EIF3B: variants seen among roughly 807,000 people sequenced by gnomAD.
EIF3B encodes the protein eukaryotic translation initiation factor 3 subunit 9.
In EIF3B, 10 loss-of-function variants were observed where a neutral mutation model predicts 104.6. The observed-to-expected ratio is 0.10, with a 90% CI of 0.06 to 0.16. The LOEUF is 0.16. Among genes scored for constraint, EIF3B ranks in the 10% least tolerant of loss-of-function variants. The probability of loss-of-function intolerance (pLI) is 1.00; values close to 1 mark genes in which losing one functional copy is unlikely to be tolerated. For missense variants in EIF3B, 1,014 were observed against 1,087.9 expected (o/e 0.93, Z 0.96); for synonymous variants, 542 against 417.2 (o/e 1.30, Z -3.65).
Position 2,377,487 on chromosome 7 carries a change from AGC to A in EIF3B, c.2154+415_2154+416del, listed in dbSNP as rs1252213824. 4.3e-5 allele frequency among the ~76,000 whole-genome samples: 6 copies of A among 140,736 alleles called. No homozygotes were observed. In the South Asian group the frequency reaches 8.7e-4, roughly 20 times the overall value. The allele number at this position is 140,736 out of a possible 152,430, so 92.3% of individuals were successfully genotyped here. On this transcript the variant is annotated intron_variant, in intron 15 of 18. Transcript: ENST00000360876. ...AAAGATGGAGGAAGGAGCAGGCACGAGCGCTCCTGGGATGCTGTGTTGTGTGA... is the reference window on the plus strand; with the variant it reads ...AAAGATGGAGGAAGGAGCAGGCACGAGCTCCTGGGATGCTGTGTTGTGTGA...
In EIF3B at chr7:2,375,489, C is replaced by T. The variant is rs1367743504; in HGVS notation, c.1990C>T (p.Arg664Cys). 3.1e-6 allele frequency: 5 copies of T among 1,614,042 alleles called. No individual in the cohort carries two copies. The highest frequency in any genetic ancestry group is 2.5e-6 in the Non-Finnish European group (3 of 1,180,038). The change falls in exon 14 of 19, where the codon CGC (arginine) becomes TGC (cysteine). Residue 664 changes from arginine to cysteine, a missense_variant. Physicochemically the swap from Arg to Cys is radical, Grantham distance 180. Coordinates refer to ENST00000360876, the MANE Select transcript of EIF3B (RefSeq NM_001037283.2). ...ASDVEWDPTG[R>C]YVVTSVSWWS... The stretch of plus-strand genomic sequence containing the variant: ...CGACGTCGAATGGGATCCTACTGGG[C>T]GCTACGTCGTCACCTCTGTGTCCTG...
In EIF3B at chr7:2,374,429, C is replaced by G. The variant is rs568877797; in HGVS notation, c.1811-99C>G. On this transcript the variant is annotated intron_variant, in intron 12 of 18. Coordinates refer to ENST00000360876, the MANE Select transcript of EIF3B (RefSeq NM_001037283.2). ...GTGGTCCAGCATTACCAGCTCTGCC[C>G]TCATGGGCAGCATGAGCACGGCCAA... The G allele has an allele frequency of 5.9e-6, 7 of 1,180,710 alleles. No individual in the cohort carries two copies. In the East Asian group the frequency reaches 1.6e-4, roughly 28 times the overall value. 73.1% of individuals were successfully genotyped at this position (1,180,710 alleles called of 1,614,324 possible).
chr7:2,361,075 T>TA (rs1421909823), intron 2 of EIF3B, among the ~76,000 whole-genome samples, 173 bp downstream of exon 2: 1 of 152,130 alleles, frequency 6.6e-6, no homozygotes, highest in African/African-American at 2.4e-5. Flanking sequence ...GAGAAGATGA[T>TA]AAAGTTTGTT....
At chr7:2,373,825 C>G (rs529394688) in intron 12 of EIF3B, 15 of 152,338 alleles carry the variant, frequency 9.8e-5, no homozygotes, top group African/African-American at 3.1e-4. Context: ...ATCCCATGCC[C>G]GTGGCTGTTG....
chr7:2,355,303 G>C lies in EIF3B; in HGVS notation c.382G>C (p.Ala128Pro). The change falls in exon 1 of 19, where the codon GCG (alanine) becomes CCG (proline). Residue 128 changes from alanine (A) to proline (P), a missense_variant. Physicochemically the swap from Ala to Pro is conservative, Grantham distance 27. Coordinates refer to ENST00000360876, the MANE Select transcript of EIF3B (RefSeq NM_001037283.2). ...CCGGGCCCAGGCGGTGTCCGAGGAC[G>C]CGGGAGGAAACGAGGGCAGAGCGGC... Reference protein sequence around the residue: ...DSRAQAVSEDAGGNEGRAAEA... With the variant: ...DSRAQAVSEDPGGNEGRAAEA... 1 of 1,539,616 alleles carries C rather than the reference G, an allele frequency of 6.5e-7. No homozygotes were observed. Among genetic ancestry groups the C allele is most frequent in the East Asian group, 2.4e-5 (1 of 41,234 alleles).
Position 2,379,225 on chromosome 7 carries a change from G to A in EIF3B, c.2324G>A (p.Arg775His), listed in dbSNP as rs921250675. ...QELYMEQKNERLELRGGVDTD... is the reference protein window; with the variant it reads ...QELYMEQKNEHLELRGGVDTD... ...CTCTATATGGAGCAGAAAAACGAGCGCCTGGAGTTGCGAGGAGGTAACTTA... is the reference window on the plus strand; with the variant it reads ...CTCTATATGGAGCAGAAAAACGAGCACCTGGAGTTGCGAGGAGGTAACTTA... The change falls in exon 17 of 19, where the codon CGC becomes CAC. Residue 775 changes from arginine to histidine, a missense_variant. Physicochemically the swap from Arg to His is conservative, Grantham distance 29. This residue lies in a region of EIF3B where 266 missense variants were observed against 324.0 expected (regional missense o/e 0.82). Transcript: ENST00000360876. The A allele has an allele frequency of 6.2e-7, 1 of 1,612,490 alleles. No individual in the cohort carries two copies. Among genetic ancestry groups the A allele is most frequent in the East Asian group, 2.2e-5 (1 of 44,868 alleles).
At position 2,367,821 on chromosome 7, in the gene EIF3B, TA is replaced by T. The variant is rs1562484070; in HGVS notation, c.1403+780del. ...GAAAACGGTGAGTTTGTTCTTTTTT[TA>T]AAATTTTTTTTTTTTTTTTTTTTTT... On this transcript the variant is annotated intron_variant, in intron 9 of 18. Coordinates refer to ENST00000360876, the MANE Select transcript of EIF3B (RefSeq NM_001037283.2). 2.6e-3 allele frequency among the ~76,000 whole-genome samples: 356 copies of T among 139,584 alleles called. 5 individuals carry two copies. The highest frequency in any genetic ancestry group is 7.2e-3 in the African/African-American group (264 of 36,556). 91.6% of individuals were successfully genotyped at this position (139,584 alleles called of 152,430 possible).
In EIF3B at chr7:2,371,490, G is replaced by C. The variant is rs138122840; in HGVS notation, c.1615-287G>C. ...CTGCAGCCTGCAGTGTGGACCCTGG[G>C]ACTGCTTGTGCCCAAGTGTGGCGGG... is the stretch of plus-strand genomic sequence containing the variant. On this transcript the variant is annotated intron_variant, in intron 10 of 18. Transcript: ENST00000360876. Among the ~76,000 whole-genome samples the C allele has an allele frequency of 2.5e-3, 375 of 152,326 alleles. 2 individuals carry two copies. Among genetic ancestry groups the C allele is most frequent in the African/African-American group, 8.7e-3 (362 of 41,584 alleles).
chr7:2,379,056 T>C, intron 16 of EIF3B, 78 bp from the exon 17 acceptor site: 12 of 1,259,702 alleles, frequency 9.5e-6, no homozygotes, highest in Non-Finnish European at 1.4e-5. Flanking sequence ...TCTGGCACCG[T>C]CCGCCTGGGT....
chr7:2,355,453 C>T (rs1364469700), intron 1 of EIF3B, 33 bp downstream of exon 1: 4 of 1,409,604 alleles, frequency 2.8e-6, no homozygotes, highest in East Asian at 2.9e-5. Context: ...TGGCGAGCGG[C>T]GCGGGAGCGT....
intron 4 of EIF3B, 132 bp downstream of exon 4, chr7:2,363,259 C>G (rs971679871): frequency 2.2e-6 from 2 of 890,664 alleles, no homozygotes; most frequent in Non-Finnish European, 3.6e-6. Flanking sequence ...TCAAGACCAG[C>G]CTGGGCAACA....
In EIF3B at chr7:2,374,555, C is replaced by G; in HGVS notation, c.1838C>G (p.Thr613Ser). The change falls in exon 13 of 19, where the codon ACC (threonine) becomes AGC (serine). Residue 613 changes from threonine to serine, a missense_variant. Transcript: ENST00000360876. ...ATGTTCGACAAGCAGCAGGCGAACA[C>G]CATCTTCTGGAGCCCCCAAGGACAG... is the stretch of plus-strand genomic sequence containing the variant. ...IKMFDKQQANTIFWSPQGQFV... is the reference protein window; with the variant it reads ...IKMFDKQQANSIFWSPQGQFV... The G allele has an allele frequency of 6.2e-7, 1 of 1,614,108 alleles. No individual in the cohort carries two copies. The highest frequency in any genetic ancestry group is 1.7e-4 in the Middle Eastern group (1 of 6,060).
intron 2 of EIF3B, among the ~76,000 whole-genome samples, chr7:2,362,045 C>T (rs1206330212): frequency 1.3e-5 from 2 of 152,112 alleles, no homozygotes; most frequent in East Asian, 3.9e-4. Flanking sequence ...CTGCAACCTC[C>T]GCCTCCCAGG....
chr7:2,362,336 A>C (rs1015876741), intron 2 of EIF3B, among the ~76,000 whole-genome samples: 2 of 152,220 alleles, frequency 1.3e-5, no homozygotes, highest in African/African-American at 4.8e-5. Flanking sequence ...GTACAATTTA[A>C]TACATTTTGA....
intron 1 of EIF3B, among the ~76,000 whole-genome samples, chr7:2,359,877 T>C (rs1217274085): frequency 1.3e-5 from 2 of 152,220 alleles, no homozygotes; most frequent in African/African-American, 4.8e-5. Flanking sequence ...TCAGGCGTTG[T>C]GTTGAGTGTT....
chr7:2,366,259 C>T lies in EIF3B; in HGVS notation c.1158-58C>T, dbSNP rs1032511383. The stretch of plus-strand genomic sequence containing the variant: ...TGACGGCGTGTTCTGGCCGCACAGA[C>T]AGACTGTGATCCTCTCGTGAGAGGA... On this transcript the variant is annotated intron_variant, in intron 6 of 18. Coordinates refer to ENST00000360876, the MANE Select transcript of EIF3B (RefSeq NM_001037283.2). 4.6e-6 allele frequency: 7 copies of T among 1,516,014 alleles called. No individual in the cohort carries two copies. The East Asian group carries it at 9.2e-5, about 20-fold the overall frequency. The allele number at this position is 1,516,014 out of a possible 1,614,324, so 93.9% of individuals were successfully genotyped here. A position where few individuals can be genotyped will look rare whatever the true frequency, so the allele number is the denominator to read the frequency against.
Position 2,367,101 on chromosome 7 carries a change from C to CAA in EIF3B, c.1403+56_1403+57insAA. 7 of 864,316 alleles carry CAA rather than the reference C, an allele frequency of 8.1e-6. No homozygotes were observed. The South Asian group carries it at 1.3e-4, about 16-fold the overall frequency. The allele number at this position is 864,316 out of a possible 1,614,324, so 53.5% of individuals were successfully genotyped here. A position where few individuals can be genotyped will look rare whatever the true frequency, so the allele number is the denominator to read the frequency against. On this transcript the variant is annotated intron_variant, in intron 9 of 18. Transcript: ENST00000360876. ...TGTGTTCAGGCTGCTTAACACAATA[C>CAA]CAAAAAAAAAAAAAAAAACACAATA... is the stretch of plus-strand genomic sequence containing the variant.
rs765195711 is a variant in EIF3B, at chr7:2,362,628, G to A, written c.693-17G>A. 10 of 1,613,896 alleles carry A rather than the reference G, an allele frequency of 6.2e-6. No individual in the cohort carries two copies. The highest frequency in any genetic ancestry group is 4.0e-5 in the African/African-American group (3 of 74,910). ...CCTTACAGTGTGGGTATGTGCCAAC[G>A]GCCCTCTCTCACTCAGGTATATTTT... On this transcript the variant is annotated splice_polypyrimidine_tract_variant and intron_variant, in intron 2 of 18. Transcript: ENST00000360876.
chr7:2,369,500 A>G lies in EIF3B; in HGVS notation c.1432A>G (p.Ile478Val). The G allele has an allele frequency of 2.5e-6, 4 of 1,614,240 alleles. No homozygotes were observed. The highest frequency in any genetic ancestry group is 2.2e-5 in the East Asian group (1 of 44,888). Reference protein sequence around the residue: ...KDFSWSPGGNIIAFWVPEDKD... With the variant: ...KDFSWSPGGNVIAFWVPEDKD... ...CTTTTCTTGGTCTCCTGGTGGTAAC[A>G]TAATCGCCTTCTGGGTGCCTGAAGA... The change falls in exon 10 of 19, where the codon ATA (isoleucine) becomes GTA (valine). Residue 478 changes from isoleucine (I) to valine (V), a missense_variant. By Grantham distance (29) the Ile-to-Val change is conservative. Around this residue, in one of 4 missense-constraint regions of EIF3B, gnomAD observed 201 missense variants for 240.7 expected, o/e 0.83. Transcript: ENST00000360876.
Sources: allele counts gnomAD v4.1 joint callset (sites outside exome capture counted in the v4.1 genomes callset), GRCh38; gene constraint gnomAD v4.1.1; regional missense constraint gnomAD v4.1.1; transcripts MANE v1.5; gene names NCBI Gene and HGNC (gene_info 2026-07-23, HGNC 2026-07-21).